Variants in RNF6 observed in about 807,000 individuals in gnomAD.
The protein encoded by RNF6 is ring finger protein 6.
RNF6 carries 21 observed loss-of-function variants against 50.1 expected under a neutral mutation model. That is an observed-to-expected ratio of 0.42 (90% CI 0.30 to 0.60). The LOEUF is 0.60. RNF6 is among the 20% of genes least tolerant of loss of function. The pLI, the probability that RNF6 is intolerant of heterozygous loss-of-function variation, is 0.20. For missense variants in RNF6, 698 were observed against 838.2 expected, an observed-to-expected ratio of 0.83 and a Z score of 2.07; for synonymous variants, 255 against 291.8, an observed-to-expected ratio of 0.87 and a Z score of 1.29.
chr13:26,191,538 T>C (rs1379522301), intron 5 of RNF6, among the ~76,000 whole-genome samples: 2 of 152,156 alleles, frequency 1.3e-5, no homozygotes, highest in African/African-American at 4.8e-5. Context: ...GGGGGCAGTT[T>C]CCCTCATGCT....
intron 5 of RNF6, among the ~76,000 whole-genome samples, chr13:26,136,720 A>C (rs375250715): frequency 2.0e-5 from 3 of 149,240 alleles, no homozygotes; most frequent in South Asian, 2.1e-4. Flanking sequence ...ATATACCCCC[A>C]AAAAATGACT....
chr13:26,157,304 G>T (rs1871979364), intron 5 of RNF6, among the ~76,000 whole-genome samples: 1 of 151,942 alleles, frequency 6.6e-6, no homozygotes, highest in Admixed American at 6.6e-5. Flanking sequence ...AGAAATATTA[G>T]AAGAAAATGT....
At chr13:26,158,717 G>C (rs901831232) in intron 5 of RNF6, among the ~76,000 whole-genome samples, 4 of 152,130 alleles carry the variant, frequency 2.6e-5, no homozygotes. Context: ...GTGAATGTCT[G>C]TGTGTGGGTG....
At chr13:26,167,740 C>T (rs1203739000) in intron 5 of RNF6, among the ~76,000 whole-genome samples, 1 of 152,196 alleles carries the variant, frequency 6.6e-6, no homozygotes, top group Non-Finnish European at 1.5e-5. Flanking sequence ...CATAAAGACA[C>T]ATGCACACAT....
At chr13:26,193,210 CTT>C (rs1868528128) in intron 5 of RNF6, among the ~76,000 whole-genome samples, 2 of 151,930 alleles carry the variant, frequency 1.3e-5, no homozygotes, top group Admixed American at 6.6e-5. Context: ...GAGGAATCAG[CTT>C]ATAAAAGGTT....
chr13:26,213,084 C>G lies in RNF6; in HGVS notation c.*740G>C, dbSNP rs1869424410. 4 of 152,432 alleles carry G rather than the reference C, an allele frequency of 2.6e-5. No individual in the cohort carries two copies. The highest frequency in any genetic ancestry group is 1.3e-4 in the Admixed American group (2 of 15,266). 9.4% of individuals were successfully genotyped at this position (152,432 alleles called of 1,614,324 possible). On this transcript the variant is annotated 3_prime_UTR_variant, in exon 5 of 5. Transcript: ENST00000381588. The stretch of plus-strand genomic sequence containing the variant: ...GATGTAAATTTTCCATTTCTGAATA[C>G]TTTTTCAGTATTATATATTGCTTGC...
Position 26,214,713 on chromosome 13 carries a change from G to A in RNF6, c.1169C>T (p.Ala390Val). 1.2e-6 allele frequency: 2 copies of A among 1,614,220 alleles called. No homozygotes were observed. The highest frequency in any genetic ancestry group is 1.3e-5 in the African/African-American group (1 of 75,058). The change falls in exon 5 of 5, where the codon GCT becomes GTT. Residue 390 changes from alanine to valine, a missense_variant. Transcript: ENST00000381588. Reference protein sequence around the residue: ...EGEESSRSSTAVRRHPTITLD... With the variant: ...EGEESSRSSTVVRRHPTITLD... The stretch of plus-strand genomic sequence containing the variant: ...TGTGATTGTTGGATGTCGTCGTACA[G>A]CAGTTGAGGATCTGCTGGATTCTTC...
At chr13:26,189,186 G>C (rs933051691) in intron 5 of RNF6, among the ~76,000 whole-genome samples, 3 of 152,074 alleles carry the variant, frequency 2.0e-5, no homozygotes, top group East Asian at 1.9e-4. Context: ...AAATTAGCTG[G>C]GTGTGGTGGC....
chr13:26,220,384 A>T (rs1461884607), intron 2 of RNF6, among the ~76,000 whole-genome samples: 1 of 152,192 alleles, frequency 6.6e-6, no homozygotes, highest in African/African-American at 2.4e-5. Context: ...GGAGTTTCAG[A>T]ATGCCAGTGA....
chr13:26,193,641 G>A (rs1868547685), intron 5 of RNF6, among the ~76,000 whole-genome samples: 1 of 151,792 alleles, frequency 6.6e-6, no homozygotes, highest in East Asian at 1.9e-4. Flanking sequence ...GTGGAGAGAG[G>A]GTAAGGTAGT....
intron 5 of RNF6, among the ~76,000 whole-genome samples, chr13:26,197,124 T>C (rs1293137063): frequency 1.3e-5 from 2 of 151,824 alleles, no homozygotes; most frequent in African/African-American, 4.9e-5. Flanking sequence ...ACTAAGAGAT[T>C]TGGCCAAACT....
In RNF6 at chr13:26,221,001, G is replaced by C. The variant is rs1343124153; in HGVS notation, c.-19+247C>G. Among the ~76,000 whole-genome samples the C allele has an allele frequency of 5.3e-5, 8 of 152,194 alleles. No individual in the cohort carries two copies. The East Asian group carries it at 9.7e-4, about 18-fold the overall frequency. ...TATGTCATTTTGAACAAATGACCTAGTAACATTATCCACTCAAATATGAAT... is the reference window on the plus strand; with the variant it reads ...TATGTCATTTTGAACAAATGACCTACTAACATTATCCACTCAAATATGAAT... On this transcript the variant is annotated intron_variant, in intron 2 of 4. Transcript: ENST00000381588.
chr13:26,184,395 C>A (rs1873417453), intron 5 of RNF6, among the ~76,000 whole-genome samples: 1 of 152,090 alleles, frequency 6.6e-6, no homozygotes, highest in African/African-American at 2.4e-5. Flanking sequence ...CTTTAAAAGT[C>A]TTCGAACACT....
chr13:26,183,969 C>T (rs1177381135), intron 5 of RNF6, among the ~76,000 whole-genome samples: 5 of 140,662 alleles, frequency 3.6e-5, no homozygotes, highest in Middle Eastern at 3.9e-3. Context: ...GGTGGAGCTG[C>T]CCTCCACCAG....
In RNF6 at chr13:26,177,499, T is replaced by TA. The variant is rs545258351; in HGVS notation, n.768+37974dup. Among the ~76,000 whole-genome samples, 288 of 152,332 alleles carry TA rather than the reference T, an allele frequency of 1.9e-3. 3 individuals are homozygous for TA. In the South Asian group the frequency reaches 0.028, roughly 15 times the overall value. On this transcript the variant is annotated intron_variant and non_coding_transcript_variant, in intron 5 of 5. Transcript: ENST00000468480. Reference sequence around the variant, plus strand: ...TCTTGGTTTCTTTCTCTTCTAATGTTAAGCACTCAGTGGGAGAGCCTATCT... The same window carrying TA: ...TCTTGGTTTCTTTCTCTTCTAATGTTAAAGCACTCAGTGGGAGAGCCTATCT...
intron 5 of RNF6, among the ~76,000 whole-genome samples, chr13:26,204,402 C>G (rs1869016012): frequency 6.8e-6 from 1 of 146,620 alleles, no homozygotes; most frequent in Non-Finnish European, 1.5e-5. Context: ...GAGGCTGAGG[C>G]AGGAGAATCT....
At chr13:26,201,485 T>G (rs1566431449) in intron 5 of RNF6, among the ~76,000 whole-genome samples, 2 of 150,834 alleles carry the variant, frequency 1.3e-5, no homozygotes, top group African/African-American at 4.9e-5. Context: ...AGATAAATGG[T>G]GGGGGATGTT....
Position 26,153,191 on chromosome 13 carries a change from A to ATATTTTATTT in RNF6, n.769-20750_769-20741dup, listed in dbSNP as rs71080234. Among the ~76,000 whole-genome samples the ATATTTTATTT allele has an allele frequency of 6.3e-3, 950 of 149,908 alleles. 10 individuals carry two copies. Among genetic ancestry groups the ATATTTTATTT allele is most frequent in the African/African-American group, 0.022 (885 of 40,094 alleles). On this transcript the variant is annotated intron_variant and non_coding_transcript_variant, in intron 5 of 5. Transcript: ENST00000468480. ...AAAAAGAAAAGACTAAAGATGTAAG[A>ATATTTTATTT]TATTTTATTTTATTTTATTTTATTT... is the stretch of plus-strand genomic sequence containing the variant.
chr13:26,186,570 C>A (rs907925536), intron 5 of RNF6, among the ~76,000 whole-genome samples: 2 of 152,234 alleles, frequency 1.3e-5, no homozygotes, highest in Admixed American at 6.5e-5. Context: ...ACGCGCACAC[C>A]GCCAGCGCGG....
Sources: gnomAD v4.1 joint callset for allele counts (sites outside exome capture counted in the v4.1 genomes callset) on GRCh38, gnomAD v4.1.1 for gene constraint, MANE v1.5 for transcripts, NCBI Gene and HGNC (gene_info 2026-07-23, HGNC 2026-07-21) for gene names.